The following HDAC8 variants were observed in gnomAD, a reference collection of about 807,000 sequenced individuals.
HDAC8 encodes the protein histone deacetylase 8.
In HDAC8, 1 loss-of-function variant was observed where a neutral mutation model predicts 32.2. That is an observed-to-expected ratio of 0.03 (90% CI 0.01 to 0.15). The LOEUF (loss-of-function observed/expected upper bound fraction) is 0.15, where lower values mean the gene tolerates loss of function less well. HDAC8 is among the 10% of genes least tolerant of loss of function. The pLI is 1.00. For missense variants in HDAC8, 117 were observed against 300.0 expected, an observed-to-expected ratio of 0.39 and a Z score of 4.51; for synonymous variants, 108 against 113.9, an observed-to-expected ratio of 0.95 and a Z score of 0.33.
intron 4 of HDAC8, among the ~76,000 whole-genome samples, chrX:72,498,793 T>C (rs950719970): frequency 1.8e-5 from 2 of 111,796 alleles, no homozygotes; most frequent in Non-Finnish European, 3.8e-5. Context: ...TATAATACCC[T>C]CTCTTCTTTG....
intron 9 of HDAC8, among the ~76,000 whole-genome samples, chrX:72,437,346 G>A (rs2046981346): frequency 8.9e-6 from 1 of 112,038 alleles, no homozygotes; most frequent in African/African-American, 3.2e-5. Context: ...ACAACCCACA[G>A]ACCAGGAGAT....
chrX:72,510,223 C>G (rs1556021284), intron 4 of HDAC8, among the ~76,000 whole-genome samples: 1 of 111,815 alleles, frequency 8.9e-6, no homozygotes, highest in Non-Finnish European at 1.9e-5. Context: ...TACATAGGAA[C>G]ACGTGTGAAA....
rs12688902 is a variant in HDAC8, at chrX:72,475,538, C to G, written c.738-10807G>C. ...CAACTCAACCTGCCAGGGGATGCAG[C>G]ATATGGTAAATGCCTCAGTGACTTC... is the stretch of plus-strand genomic sequence containing the variant. On this transcript the variant is annotated intron_variant, in intron 7 of 10. Transcript: ENST00000373573. Among the ~76,000 whole-genome samples, 7,138 of 111,284 alleles carry G rather than the reference C, an allele frequency of 0.064. 857 individuals carry two copies. In the East Asian group the frequency reaches 0.72, roughly 11 times the overall value.
chrX:72,354,833 C>G (rs1314466806), intron 9 of HDAC8, among the ~76,000 whole-genome samples: 1 of 111,716 alleles, frequency 9.0e-6, no homozygotes, highest in Non-Finnish European at 1.9e-5. Context: ...CAAATGCTGA[C>G]CTGGTTGGGC....
chrX:72,515,587 T>TGGGGG (rs61675419), intron 4 of HDAC8, among the ~76,000 whole-genome samples: 21 of 33,717 alleles, frequency 6.2e-4, no homozygotes, highest in African/African-American at 8.9e-4. Context: ...TCAGTGTGTG[T>TGGGGG]GGGGGGGGGG....
intron 9 of HDAC8, among the ~76,000 whole-genome samples, chrX:72,405,232 T>C (rs2046005822): frequency 8.9e-6 from 1 of 111,869 alleles, no homozygotes; most frequent in Non-Finnish European, 1.9e-5. Context: ...CATGTGGTAT[T>C]TGGCCTTCTG....
At chrX:72,519,291 G>A (rs1348084842) in intron 4 of HDAC8, among the ~76,000 whole-genome samples, 2 of 112,142 alleles carry the variant, frequency 1.8e-5, no homozygotes, top group Admixed American at 1.9e-4. Context: ...TCTTTGTGCA[G>A]AGGTATGTTT....
chrX:72,500,747 C>T (rs187193428), intron 4 of HDAC8, among the ~76,000 whole-genome samples: 239 of 112,006 alleles, frequency 2.1e-3, no homozygotes, highest in Non-Finnish European at 4.1e-3. Context: ...AACTCCTATT[C>T]AACATAGTAT....
Position 72,448,758 on chromosome X carries a change from AG to A in HDAC8, c.1005+13245del, listed in dbSNP as rs199831352. ...TACAAGGAAAAAACAAACATCAAAA[AG>A]TAGGTGAAGGATATGAACCGACACT... On this transcript the variant is annotated intron_variant, in intron 9 of 10. Transcript: ENST00000373573. 3.6e-3 allele frequency among the ~76,000 whole-genome samples: 404 copies of A among 112,478 alleles called. 11 individuals carry two copies. In the East Asian group the frequency reaches 0.098, roughly 27 times the overall value.
intron 9 of HDAC8, among the ~76,000 whole-genome samples, chrX:72,414,250 T>C (rs1462311518): frequency 8.9e-6 from 1 of 112,361 alleles, no homozygotes; most frequent in Non-Finnish European, 1.9e-5. Flanking sequence ...GTCACACTGC[T>C]TGTAAAAATA....
chrX:72,413,579 G>T (rs1309805571), intron 9 of HDAC8, among the ~76,000 whole-genome samples: 3 of 110,752 alleles, frequency 2.7e-5, no homozygotes, highest in Non-Finnish European at 5.7e-5. Flanking sequence ...ATCTTGAATT[G>T]TAGTTCCCAT....
chrX:72,368,417 C>T (rs113474625), intron 9 of HDAC8, among the ~76,000 whole-genome samples: 7 of 103,315 alleles, frequency 6.8e-5, no homozygotes, highest in African/African-American at 2.5e-4. Context: ...AGTGCAGTGG[C>T]GCGATCTCGG....
intron 4 of HDAC8, among the ~76,000 whole-genome samples, chrX:72,513,679 A>G (rs932337920): frequency 8.1e-5 from 9 of 111,363 alleles, no homozygotes; most frequent in Admixed American, 4.8e-4. Flanking sequence ...ATGCCTAGAG[A>G]ATGAAGAAGA....
In HDAC8 at chrX:72,353,090, A is replaced by G. The variant is rs190203085; in HGVS notation, c.1006-1252T>C. On this transcript the variant is annotated intron_variant, in intron 9 of 10. Transcript: ENST00000373573. Reference sequence around the variant, plus strand: ...GATCTTGATATACGTCATGACTTTGATGCCATTCAAAGAGCTTCTTAAAAA... The same window carrying G: ...GATCTTGATATACGTCATGACTTTGGTGCCATTCAAAGAGCTTCTTAAAAA... Among the ~76,000 whole-genome samples, 909 of 112,041 alleles carry G rather than the reference A, an allele frequency of 8.1e-3. 10 individuals are homozygous for G. The highest frequency in any genetic ancestry group is 0.028 in the African/African-American group (854 of 30,831).
intron 9 of HDAC8, among the ~76,000 whole-genome samples, chrX:72,450,803 C>A (rs1555987139): frequency 9.1e-6 from 1 of 110,125 alleles, no homozygotes; most frequent in Non-Finnish European, 1.9e-5. Context: ...ATTAGAGTCC[C>A]AGAAGAACAG....
chrX:72,567,978 T>G lies in HDAC8; in HGVS notation c.348A>C (p.Gly116=). The G allele has an allele frequency of 8.3e-7, 1 of 1,211,497 alleles. No individual in the cohort carries two copies. Among genetic ancestry groups the G allele is most frequent in the Middle Eastern group, 2.3e-4 (1 of 4,355 alleles). ...ATTGGGCAGCTGTGATCGTAGCCCC[T>G]CCTATAGCTGCTGCATAGTCAAATA... ...EGIFDYAAAI[G]GATITAAQCL... is the part of the protein sequence containing the mutation. Residue 116 remains glycine, a synonymous_variant, in exon 4 of 11, where the codon GGA becomes GGC. Coordinates refer to ENST00000373573, the MANE Select transcript of HDAC8 (RefSeq NM_018486.3).
intron 9 of HDAC8, among the ~76,000 whole-genome samples, chrX:72,445,081 C>G (rs1419680152): frequency 9.1e-6 from 1 of 109,591 alleles, no homozygotes; most frequent in East Asian, 2.9e-4. Context: ...TAGGAAGAAT[C>G]AATATTGTGA....
Position 72,401,303 on chromosome X carries a change from T to TCACTGCAACCTC in HDAC8, c.1006-49466_1006-49465insGAGGTTGCAGTG, listed in dbSNP as rs1555967291. The stretch of plus-strand genomic sequence containing the variant: ...CAGGCTGGACGCAGCAGTGCAATCT[T>TCACTGCAACCTC]GGCTCACTGCAACCTCAACCTCCTG... On this transcript the variant is annotated intron_variant, in intron 9 of 10. Coordinates refer to ENST00000373573, the MANE Select transcript of HDAC8 (RefSeq NM_018486.3). Among the ~76,000 whole-genome samples the TCACTGCAACCTC allele has an allele frequency of 1.6e-4, 18 of 112,130 alleles. No individual in the cohort carries two copies. The Middle Eastern group carries it at 0.014, about 85-fold the overall frequency.
intron 9 of HDAC8, among the ~76,000 whole-genome samples, chrX:72,396,043 G>A (rs782708959): frequency 1.8e-5 from 2 of 111,850 alleles, no homozygotes; most frequent in Admixed American, 9.5e-5. Flanking sequence ...AGAGGACTGA[G>A]GAGAAATTTG....
Sources: gnomAD v4.1 joint callset for allele counts (sites outside exome capture counted in the v4.1 genomes callset) on GRCh38, gnomAD v4.1.1 for gene constraint, MANE v1.5 for transcripts, NCBI Gene and HGNC (gene_info 2026-07-23, HGNC 2026-07-21) for gene names.